RAB38: variants seen among roughly 807,000 people sequenced by gnomAD.
RAB38 encodes RAB38, member RAS oncogene family, also known as ras-related protein Rab-38.
RAB38 carries 15 observed loss-of-function variants against 18.4 expected under a neutral mutation model. The observed-to-expected ratio is 0.82, with a 90% confidence interval of 0.55 to 1.26. RAB38 has a LOEUF of 1.26. RAB38 is among the 50% of genes most tolerant of loss of function. The probability of loss-of-function intolerance (pLI) is 0.00; values close to 1 mark genes in which losing one functional copy is unlikely to be tolerated. For missense variants in RAB38, 294 were observed against 267.4 expected (o/e 1.10, Z -0.69); for synonymous variants, 101 against 104.4 (o/e 0.97, Z 0.20).
At chr11:87,928,188 G>T in the RAB38 span, among the ~76,000 whole-genome samples, 3 of 151,992 alleles carry the variant, frequency 2.0e-5, no homozygotes, top group East Asian at 5.8e-4. Flanking sequence ...CTTATCAAAT[G>T]GTAAGTGTTC....
At chr11:88,098,491 A>G in the RAB38 span, 1 of 152,030 alleles carries the variant, frequency 6.6e-6, no homozygotes, top group Non-Finnish European at 1.5e-5. Context: ...CTTTTAGCCA[A>G]TATTCTGTAT....
the RAB38 span, among the ~76,000 whole-genome samples, chr11:88,043,244 GTTATT>G: frequency 1.3e-5 from 2 of 152,122 alleles, no homozygotes; most frequent in Non-Finnish European, 2.9e-5. Context: ...CAGCTAGATC[GTTATT>G]TGTCTCATCT....
the RAB38 span, among the ~76,000 whole-genome samples, chr11:87,946,452 C>CAT: frequency 1.3e-5 from 2 of 152,198 alleles, no homozygotes; most frequent in East Asian, 3.9e-4. Context: ...AGGTTTGTTA[C>CAT]ATATATATAC....
intron 1 of RAB38, among the ~76,000 whole-genome samples, chr11:88,150,264 A>C (rs1205993099): frequency 1.3e-5 from 2 of 152,208 alleles, no homozygotes; most frequent in African/African-American, 4.8e-5. Context: ...AACAAAAACT[A>C]AACAAAATTT....
the RAB38 span, among the ~76,000 whole-genome samples, chr11:87,841,033 T>A: frequency 6.6e-6 from 1 of 152,202 alleles, no homozygotes; most frequent in Non-Finnish European, 1.5e-5. Context: ...GAGCCTCATG[T>A]TCATTGCCTG....
the RAB38 span, among the ~76,000 whole-genome samples, chr11:88,024,118 A>AT: frequency 2.0e-5 from 3 of 152,132 alleles, no homozygotes; most frequent in African/African-American, 7.2e-5. Flanking sequence ...AACCAGTAGA[A>AT]TGGGAGAAAA....
At chr11:87,847,099 A>T in the RAB38 span, among the ~76,000 whole-genome samples, 1 of 152,090 alleles carries the variant, frequency 6.6e-6, no homozygotes, top group Non-Finnish European at 1.5e-5. Flanking sequence ...TTTAAGGCCT[A>T]TCCTAAGAAA....
chr11:88,152,705 T>TCATTTG (rs1943078452), intron 1 of RAB38, among the ~76,000 whole-genome samples: 13 of 152,236 alleles, frequency 8.5e-5, no homozygotes, highest in Admixed American at 3.3e-4. Flanking sequence ...AGTGAGTGCC[T>TCATTTG]ACTTTTGGGC....
intron 1 of RAB38, among the ~76,000 whole-genome samples, chr11:88,158,332 C>A (rs1943149716): frequency 6.6e-6 from 1 of 152,004 alleles, no homozygotes; most frequent in Non-Finnish European, 1.5e-5. Flanking sequence ...GGATTCACAG[C>A]CAAATTCTAC....
At chr11:88,083,063 A>G in the RAB38 span, among the ~76,000 whole-genome samples, 1 of 151,848 alleles carries the variant, frequency 6.6e-6, no homozygotes, top group Admixed American at 6.6e-5. Flanking sequence ...TCCTACTTCA[A>G]AGCTTTTGTA....
the RAB38 span, among the ~76,000 whole-genome samples, chr11:87,976,430 G>A: frequency 1.5e-5 from 2 of 129,360 alleles, no homozygotes; most frequent in South Asian, 2.4e-4. Flanking sequence ...TATATATTAT[G>A]CATTTATATT....
the RAB38 span, among the ~76,000 whole-genome samples, chr11:87,893,390 A>ATATATTTTTTTT: frequency 2.7e-4 from 25 of 93,890 alleles, no homozygotes; most frequent in Admixed American, 5.9e-4. Context: ...ATATATATAT[A>ATATATTTTTTTT]TTTTTTTTTT....
the RAB38 span, among the ~76,000 whole-genome samples, chr11:87,909,481 A>G: frequency 6.6e-6 from 1 of 151,978 alleles, no homozygotes; most frequent in Admixed American, 6.6e-5. Context: ...CCTTTTAAAC[A>G]ATCTTGTTAA....
chr11:87,827,809 T>C, the RAB38 span, among the ~76,000 whole-genome samples: 2 of 152,198 alleles, frequency 1.3e-5, no homozygotes, highest in Non-Finnish European at 2.9e-5. Flanking sequence ...TGGCAACCTA[T>C]AGAAGCTGCT....
chr11:87,976,518 T>A, the RAB38 span, among the ~76,000 whole-genome samples: 1 of 14 alleles, frequency 0.071, no homozygotes, highest in Non-Finnish European at 0.17. Context: ...TATATTTATA[T>A]TTTATATATA....
chr11:88,141,631 A>G (rs531993245), intron 2 of RAB38, among the ~76,000 whole-genome samples: 2 of 152,336 alleles, frequency 1.3e-5, no homozygotes, highest in South Asian at 4.1e-4. Flanking sequence ...TCTACAGTCC[A>G]TTAGGATTCT....
the RAB38 span, among the ~76,000 whole-genome samples, chr11:87,888,509 T>G: frequency 6.6e-6 from 1 of 151,938 alleles, no homozygotes; most frequent in Admixed American, 6.6e-5. Context: ...GTTCTCTCAT[T>G]CTAGGATAAA....
the RAB38 span, among the ~76,000 whole-genome samples, chr11:87,956,548 C>A: frequency 6.0e-5 from 9 of 151,076 alleles, no homozygotes; most frequent in Non-Finnish European, 4.4e-5. Context: ...AGAAACCAAA[C>A]GGCAGGATAA....
chr11:87,885,129 A>G, the RAB38 span, among the ~76,000 whole-genome samples: 1 of 152,040 alleles, frequency 6.6e-6, no homozygotes, highest in African/African-American at 2.4e-5. Context: ...AAGAGAAGAC[A>G]TTCAACCTGC....
Sources: allele counts gnomAD v4.1 joint callset (sites outside exome capture counted in the v4.1 genomes callset), GRCh38; gene constraint gnomAD v4.1.1; transcripts MANE v1.5; gene names NCBI Gene and HGNC (gene_info 2026-07-23, HGNC 2026-07-21).